The following ZC3HAV1L variants were observed in gnomAD, a reference collection of about 807,000 sequenced individuals.
ZC3HAV1L encodes ZC3HAV1 like.
A neutral mutation model predicts 28.2 loss-of-function variants in ZC3HAV1L; 23 were observed. That is an observed-to-expected ratio of 0.82 (90% CI 0.59 to 1.16). The LOEUF (loss-of-function observed/expected upper bound fraction) is 1.16, where lower values mean the gene tolerates loss of function less well. Ranked by LOEUF, ZC3HAV1L falls within the 50% of genes most tolerant of loss-of-function variation. The pLI, the probability that ZC3HAV1L is intolerant of heterozygous loss-of-function variation, is 0.00. For missense variants in ZC3HAV1L, 376 were observed against 387.7 expected (o/e 0.97, Z 0.25); for synonymous variants, 180 against 163.4 (o/e 1.10, Z -0.78).
downstream of ZC3HAV1L, chr7:139,022,381 TA>T: frequency 2.3e-6 from 1 of 432,562 alleles, no homozygotes; most frequent in Non-Finnish European, 4.6e-6. Flanking sequence ...TTGTCTCTAC[TA>T]AAAACCTAAA....
At chr7:139,033,708 G>A (rs941957219) in intron 2 of ZC3HAV1L, 10 of 984,640 alleles carry the variant, frequency 1.0e-5, no homozygotes, top group African/African-American at 5.2e-5. Context: ...AAAAACATTC[G>A]ATAGATTTGA....
rs1409008177 is a variant in ZC3HAV1L at position 139,025,982 on chromosome 7, C to CA, written c.*561dup. On this transcript the variant is annotated 3_prime_UTR_variant, in exon 5 of 5. Transcript: ENST00000275766. ...ATACCCTCTCTACAAAAAAAAAATA[C>CA]AAAAAATTAGCTGGTCGTGGTGCAT... 1 of 151,084 alleles carries CA rather than the reference C, an allele frequency of 6.6e-6. No individual in the cohort carries two copies. Among genetic ancestry groups the CA allele is most frequent in the African/African-American group, 2.4e-5 (1 of 41,114 alleles). The allele number at this position is 151,084 out of a possible 1,614,324, so 9.4% of individuals were successfully genotyped here.
chr7:139,022,983 T>C (rs955840104), downstream of ZC3HAV1L, among the ~76,000 whole-genome samples: 1 of 152,104 alleles, frequency 6.6e-6, no homozygotes, highest in Non-Finnish European at 1.5e-5. Flanking sequence ...AAGACCAGCC[T>C]GGCCAACATG....
intron 3 of ZC3HAV1L, among the ~76,000 whole-genome samples, chr7:139,027,191 C>G (rs576217709): frequency 6.6e-6 from 1 of 152,174 alleles, no homozygotes; most frequent in Non-Finnish European, 1.5e-5. Flanking sequence ...ACGTCTGACA[C>G]TAACATCCCA....
At chr7:139,033,864 A>G in intron 2 of ZC3HAV1L, 1 of 985,420 alleles carries the variant, frequency 1.0e-6, no homozygotes, top group Non-Finnish European at 1.2e-6. Context: ...CTTCCTGCCA[A>G]TAACCTGCTT....
At chr7:139,035,402 G>A (rs920143702) in intron 1 of ZC3HAV1L, 6 of 984,922 alleles carry the variant, frequency 6.1e-6, no homozygotes, top group Admixed American at 1.2e-4. Flanking sequence ...CCGGGGGGGC[G>A]GGCGGGGGCA....
chr7:139,033,488 G>C (rs1815597594), intron 2 of ZC3HAV1L, among the ~76,000 whole-genome samples: 1 of 152,138 alleles, frequency 6.6e-6, no homozygotes, highest in East Asian at 1.9e-4. Context: ...CATGCACTGT[G>C]TTTTTCCACA....
chr7:139,035,581 G>T (rs1283447471), intron 1 of ZC3HAV1L, 72 bp downstream of exon 1: 5 of 1,339,722 alleles, frequency 3.7e-6, no homozygotes, highest in Non-Finnish European at 9.5e-7. Context: ...CCTTCCCGTC[G>T]CTCCCGCTTC....
intron 2 of ZC3HAV1L, among the ~76,000 whole-genome samples, chr7:139,030,845 A>AT (rs147565883): frequency 0.018 from 2,784 of 151,128 alleles, 69 homozygotes; most frequent in African/African-American, 0.063. Flanking sequence ...TAATTAATTA[A>AT]TTAATTAATT....
In ZC3HAV1L at chr7:139,026,217, C is replaced by T. The variant is rs902460859; in HGVS notation, c.*327G>A. 3.2e-6 allele frequency: 1 copy of T among 314,708 alleles called. No individual in the cohort carries two copies. The highest frequency in any genetic ancestry group is 5.8e-6 in the Non-Finnish European group (1 of 173,768). The allele number at this position is 314,708 out of a possible 1,614,324, so 19.5% of individuals were successfully genotyped here. A position where few individuals can be genotyped will look rare whatever the true frequency, so the allele number is the denominator to read the frequency against. The stretch of plus-strand genomic sequence containing the variant: ...ATCTGTGCAAAAACATGATTATGTA[C>T]GATGTGAACAAATATAGAAAGATGC... On this transcript the variant is annotated 3_prime_UTR_variant, in exon 5 of 5. Transcript: ENST00000275766.
downstream of ZC3HAV1L, chr7:139,022,397 T>G: frequency 2.3e-6 from 1 of 436,874 alleles, no homozygotes; most frequent in Middle Eastern, 4.2e-4. Flanking sequence ...CCTAAAAAGA[T>G]TAGCTGAGTA....
intron 2 of ZC3HAV1L, among the ~76,000 whole-genome samples, chr7:139,032,934 G>A (rs183827497): frequency 6.6e-5 from 10 of 152,084 alleles, no homozygotes; most frequent in East Asian, 1.9e-4. Flanking sequence ...CTGGCCAGGC[G>A]CAGTGGCTCA....
chr7:139,023,415 A>G (rs1240006811), downstream of ZC3HAV1L, among the ~76,000 whole-genome samples: 3 of 152,178 alleles, frequency 2.0e-5, no homozygotes, highest in African/African-American at 7.2e-5. Flanking sequence ...ACGTGGATAC[A>G]AGAGGCAGGC....
At chr7:139,025,190 T>C (rs1444046662), downstream of ZC3HAV1L, among the ~76,000 whole-genome samples, 1 of 152,184 alleles carries the variant, frequency 6.6e-6, no homozygotes. Context: ...GTCTCACACC[T>C]GTAATCCCAG....
In ZC3HAV1L at chr7:139,035,753, G is replaced by A. The variant is rs751509427; in HGVS notation, c.265C>T (p.Arg89Cys). The A allele has an allele frequency of 3.1e-5, 46 of 1,496,590 alleles. No homozygotes were observed. The highest frequency in any genetic ancestry group is 2.2e-4 in the Middle Eastern group (1 of 4,506). 92.7% of individuals were successfully genotyped at this position (1,496,590 alleles called of 1,614,324 possible). The change falls in exon 1 of 5, where the codon CGC becomes TGC. Residue 89 changes from arginine (R) to cysteine (C), a missense_variant. Coordinates refer to ENST00000275766, the MANE Select transcript of ZC3HAV1L (RefSeq NM_080660.4). ...AWRVVAVSSV[R>C]LCARYQRGEC... ...CCGCGCTGGTAGCGGGCGCAGAGGC[G>A]CACAGAGGACACGGCCACCACCCTC... is the stretch of plus-strand genomic sequence containing the variant.
intron 2 of ZC3HAV1L, among the ~76,000 whole-genome samples, chr7:139,030,908 C>T (rs914131626): frequency 5.9e-5 from 9 of 151,996 alleles, no homozygotes; most frequent in Non-Finnish European, 1.5e-5. Flanking sequence ...GATACAGGAA[C>T]ATGTTCAATA....
intron 3 of ZC3HAV1L, 107 bp from the exon 4 acceptor site, chr7:139,026,940 G>A (rs2130625845): frequency 8.1e-7 from 1 of 1,241,212 alleles, no homozygotes; most frequent in East Asian, 2.5e-5. Context: ...CCAACACATG[G>A]ATTTGGAGAG....
chr7:139,026,980 ATG>A (rs773688246), intron 3 of ZC3HAV1L, 147 bp from the exon 4 acceptor site: 16 of 909,610 alleles, frequency 1.8e-5, no homozygotes, highest in Non-Finnish European at 2.1e-5. Flanking sequence ...AAAAAATTGT[ATG>A]TGTGTGTGTA....
At chr7:139,035,061 C>G in intron 1 of ZC3HAV1L, 1 of 985,426 alleles carries the variant, frequency 1.0e-6, no homozygotes, top group South Asian at 4.7e-5. Flanking sequence ...TAGAGACAAC[C>G]AAGGAAAATT....
Sources: gnomAD v4.1 joint callset for allele counts (sites outside exome capture counted in the v4.1 genomes callset) on GRCh38, gnomAD v4.1.1 for gene constraint, MANE v1.5 for transcripts, NCBI Gene and HGNC (gene_info 2026-07-23, HGNC 2026-07-21) for gene names.